BMP7: variants seen among roughly 807,000 people sequenced by gnomAD.
BMP7 encodes the protein osteogenic protein 1.
In BMP7, 12 loss-of-function variants were observed where a neutral mutation model predicts 41.2. The ratio of observed to expected loss-of-function variants is 0.29; its 90% CI spans 0.19 to 0.47. BMP7 has a LOEUF of 0.47. Ranked by LOEUF, BMP7 falls within the 20% of genes least tolerant of loss-of-function variation. BMP7 has a pLI of 0.99. For missense variants in BMP7, 467 were observed against 606.0 expected, an observed-to-expected ratio of 0.77 and a Z score of 2.41; for synonymous variants, 248 against 250.0, an observed-to-expected ratio of 0.99 and a Z score of 0.07.
At chr20:57,197,687 C>G (rs908048926) in intron 3 of BMP7, among the ~76,000 whole-genome samples, 2 of 152,224 alleles carry the variant, frequency 1.3e-5, no homozygotes, top group Non-Finnish European at 2.9e-5. Context: ...GAACTTCTAA[C>G]ATTCATGAGC....
chr20:57,186,815 G>T (rs949129681), intron 3 of BMP7, among the ~76,000 whole-genome samples: 1 of 151,986 alleles, frequency 6.6e-6, no homozygotes, highest in African/African-American at 2.4e-5. Context: ...AACAACTAGT[G>T]TTTAAAAGAA....
At position 57,215,304 on chromosome 20, in the gene BMP7, C is replaced by G. The variant is rs569814407; in HGVS notation, c.612-12681G>C. 4.6e-5 allele frequency among the ~76,000 whole-genome samples: 7 copies of G among 152,354 alleles called. No homozygotes were observed. Among genetic ancestry groups the G allele is most frequent in the Non-Finnish European group, 4.4e-5 (3 of 68,042 alleles). On this transcript the variant is annotated intron_variant, in intron 2 of 6. Coordinates refer to ENST00000395863, the MANE Select transcript of BMP7 (RefSeq NM_001719.3). The surrounding 1 kb of genome is among the most constrained non-coding windows in gnomAD (Gnocchi z 4.2). Reference sequence around the variant, plus strand: ...GGTTGAGTGCCCCCATTTACTGTCCCCATCACCTCTTCGGAGCCACCTCCT... The same window carrying G: ...GGTTGAGTGCCCCCATTTACTGTCCGCATCACCTCTTCGGAGCCACCTCCT...
At position 57,183,708 on chromosome 20, in the gene BMP7, C is replaced by T. The variant is rs1356347840; in HGVS notation, c.958+14G>A. ...TCCTGTGGTGGGTCTGTGATCCCTC[C>T]CACCTAAGCATACCTGCCACGTTGG... On this transcript the variant is annotated intron_variant, in intron 4 of 6. Coordinates refer to ENST00000395863, the MANE Select transcript of BMP7 (RefSeq NM_001719.3). 2.5e-6 allele frequency: 4 copies of T among 1,613,520 alleles called. No homozygotes were observed. The highest frequency in any genetic ancestry group is 2.2e-5 in the East Asian group (1 of 44,892).
At chr20:57,211,050 C>T (rs557110534) in intron 2 of BMP7, among the ~76,000 whole-genome samples, 99 of 152,336 alleles carry the variant, frequency 6.5e-4, no homozygotes, top group African/African-American at 1.4e-3. Flanking sequence ...AGGGAGCAGG[C>T]GCAAGCCAGG....
chr20:57,265,901 G>A lies in BMP7; in HGVS notation c.222C>T (p.Gly74=), dbSNP rs2066175609. 13 of 1,592,972 alleles carry A rather than the reference G, an allele frequency of 8.2e-6. No homozygotes were observed. Among genetic ancestry groups the A allele is most frequent in the Non-Finnish European group, 1.1e-5 (13 of 1,169,762 alleles). Residue 74 remains glycine (G), a synonymous_variant, in exon 1 of 7, where the codon GGC becomes GGT. Coordinates refer to ENST00000395863, the MANE Select transcript of BMP7 (RefSeq NM_001719.3). ...LPHRPRPHLQ[G]KHNSAPMFML... is the part of the protein sequence containing the mutation. ...TGAACATGGGTGCCGAGTTGTGCTT[G>A]CCCTGGAGGTGCGGGCGCGGGCGGT...
At chr20:57,242,003 C>T (rs2066071661) in intron 1 of BMP7, among the ~76,000 whole-genome samples, 1 of 152,192 alleles carries the variant, frequency 6.6e-6, no homozygotes, top group Non-Finnish European at 1.5e-5. Flanking sequence ...GCTCTTTCTA[C>T]TATAGACCCA....
intron 2 of BMP7, among the ~76,000 whole-genome samples, chr20:57,222,853 C>T (rs886884663): frequency 2.5e-4 from 5 of 20,122 alleles, no homozygotes; most frequent in Non-Finnish European, 4.6e-4. Context: ...TGGAAGCTTC[C>T]AGAAGCTTCC....
At chr20:57,208,635 T>C (rs1457091463) in intron 2 of BMP7, among the ~76,000 whole-genome samples, 1 of 152,160 alleles carries the variant, frequency 6.6e-6, no homozygotes, top group East Asian at 1.9e-4. Flanking sequence ...TATACACCAA[T>C]GTTCATAGCA....
rs117159224 is a variant in BMP7, at chr20:57,204,411, G to A, written c.612-1788C>T. ...TTAGACATTCGTCAGGCACATCAAT[G>A]TGAACAAGGCTCAGAGAAGACACAC... is the stretch of plus-strand genomic sequence containing the variant. On this transcript the variant is annotated intron_variant, in intron 2 of 6. Coordinates refer to ENST00000395863, the MANE Select transcript of BMP7 (RefSeq NM_001719.3). Among the ~76,000 whole-genome samples, 1,467 of 152,336 alleles carry A rather than the reference G, an allele frequency of 9.6e-3. 14 individuals carry two copies. The highest frequency in any genetic ancestry group is 0.027 in the Middle Eastern group (8 of 294).
intron 1 of BMP7, among the ~76,000 whole-genome samples, chr20:57,230,490 C>T (rs2066025035): frequency 6.6e-6 from 1 of 151,722 alleles, no homozygotes; most frequent in Non-Finnish European, 1.5e-5. Context: ...GAAGTGAGTA[C>T]AATCCCGCAT....
At chr20:57,172,119 C>G (rs1221395780) in intron 6 of BMP7, among the ~76,000 whole-genome samples, 1 of 152,154 alleles carries the variant, frequency 6.6e-6, no homozygotes, top group East Asian at 1.9e-4. Flanking sequence ...GCCATGAAGG[C>G]AGGGGTTGGA....
At chr20:57,175,869 C>T (rs892273901) in intron 4 of BMP7, among the ~76,000 whole-genome samples, 1 of 152,170 alleles carries the variant, frequency 6.6e-6, no homozygotes, top group Non-Finnish European at 1.5e-5. Context: ...AACTGATTGA[C>T]CAAACACCAA....
At chr20:57,202,310 G>A (rs914117721) in intron 3 of BMP7, among the ~76,000 whole-genome samples, 165 bp downstream of exon 3, 1 of 152,132 alleles carries the variant, frequency 6.6e-6, no homozygotes, top group Non-Finnish European at 1.5e-5. Context: ...GTGAAAAGAG[G>A]GGAAGGGGCT....
intron 2 of BMP7, among the ~76,000 whole-genome samples, chr20:57,222,023 G>A (rs2123111110): frequency 6.6e-6 from 1 of 152,270 alleles, no homozygotes; most frequent in East Asian, 1.9e-4. Flanking sequence ...CAGCTAAATC[G>A]ATGGAAACGT....
intron 4 of BMP7, among the ~76,000 whole-genome samples, chr20:57,179,223 G>A (rs889354123): frequency 9.2e-5 from 14 of 152,198 alleles, no homozygotes; most frequent in African/African-American, 3.1e-4. Context: ...ACAAGGAAAG[G>A]AAACGAAGGA....
chr20:57,211,297 C>T (rs976775361), intron 2 of BMP7, among the ~76,000 whole-genome samples: 4 of 152,344 alleles, frequency 2.6e-5, no homozygotes, highest in African/African-American at 9.6e-5. Context: ...GCTCAGGACA[C>T]GCCTCTGCTG....
At chr20:57,260,021 C>T (rs776907704) in intron 1 of BMP7, among the ~76,000 whole-genome samples, 1 of 152,146 alleles carries the variant, frequency 6.6e-6, no homozygotes, top group African/African-American at 2.4e-5. Context: ...CTAATAGCCG[C>T]GGTCGTACAT....
chr20:57,240,743 C>G (rs1159693140), intron 1 of BMP7, among the ~76,000 whole-genome samples: 1 of 152,174 alleles, frequency 6.6e-6, no homozygotes, highest in Non-Finnish European at 1.5e-5. Context: ...GAGGAAGATG[C>G]AAAAGTGGAA....
At chr20:57,178,347 G>A (rs984803714) in intron 4 of BMP7, among the ~76,000 whole-genome samples, 3 of 152,120 alleles carry the variant, frequency 2.0e-5, no homozygotes, top group Admixed American at 6.5e-5. Flanking sequence ...GAAGATCTGC[G>A]TGGCTGGAAC....
Sources: gnomAD v4.1 joint callset for allele counts (sites outside exome capture counted in the v4.1 genomes callset) on GRCh38, gnomAD v4.1.1 for gene constraint, Gnocchi (gnomAD v3.1) non-coding constraint, MANE v1.5 for transcripts, NCBI Gene and HGNC (gene_info 2026-07-23, HGNC 2026-07-21) for gene names.